Variants in CAMTA1 observed in about 807,000 individuals in gnomAD.
CAMTA1 encodes calmodulin-binding transcription activator 1.
CAMTA1 carries 27 observed loss-of-function variants against 170.9 expected under a neutral mutation model. The observed-to-expected ratio is 0.16, with a 90% CI of 0.12 to 0.22. The LOEUF is 0.22. Among genes scored for constraint, CAMTA1 ranks in the 10% least tolerant of loss-of-function variants. The pLI is 1.00. For missense variants in CAMTA1, 1,619 were observed against 2,217.2 expected, an observed-to-expected ratio of 0.73 and a Z score of 5.42; for synonymous variants, 833 against 891.5, an observed-to-expected ratio of 0.93 and a Z score of 1.17.
intron 5 of CAMTA1, among the ~76,000 whole-genome samples, chr1:7,429,999 G>A (rs1185797156): frequency 3.3e-5 from 5 of 152,082 alleles, no homozygotes; most frequent in Admixed American, 1.3e-4. Flanking sequence ...CCTATGATCC[G>A]ATCACCTCCC....
intron 11 of CAMTA1, among the ~76,000 whole-genome samples, chr1:7,704,989 C>T (rs2096494496): frequency 2.1e-4 from 2 of 9,682 alleles, no homozygotes; most frequent in African/African-American, 2.7e-4. Flanking sequence ...GGGGCCGGGG[C>T]GTGGGGACAC....
Position 7,067,838 on chromosome 1 carries a change from C to CA in CAMTA1, c.235-23465dup, listed in dbSNP as rs1709156944. 6.6e-6 allele frequency among the ~76,000 whole-genome samples: 1 copy of CA among 152,226 alleles called. No homozygotes were observed. The highest frequency in any genetic ancestry group is 2.1e-4 in the South Asian group (1 of 4,836). On this transcript the variant is annotated intron_variant, in intron 3 of 22. Coordinates refer to ENST00000303635, the MANE Select transcript of CAMTA1 (RefSeq NM_015215.4). This position sits in a 1 kb window ranked among gnomAD's most constrained non-coding sequence, Gnocchi z 4.3. ...TAGATCCGTCTAAGCCCATCATGGT[C>CA]AGTGATTGGTTTAGGGGCGGCCTGT...
intron 3 of CAMTA1, among the ~76,000 whole-genome samples, chr1:7,004,052 C>T (rs532646798): frequency 7.5e-4 from 114 of 152,248 alleles, no homozygotes; most frequent in Admixed American, 1.6e-3. Flanking sequence ...AACATGATTT[C>T]CCCAGCTTTC....
rs76353551 is a variant in CAMTA1 at position 7,487,193 on chromosome 1, G to T, written c.510+19292G>T. ...TCCCTCCTGTAGCAAGTGCATGAAGGCCCCTCCACGGTTATCGGCTACTCT... is the reference window on the plus strand; with the variant it reads ...TCCCTCCTGTAGCAAGTGCATGAAGTCCCCTCCACGGTTATCGGCTACTCT... On this transcript the variant is annotated intron_variant, in intron 6 of 22. Coordinates refer to ENST00000303635, the MANE Select transcript of CAMTA1 (RefSeq NM_015215.4). 2.8e-3 allele frequency among the ~76,000 whole-genome samples: 421 copies of T among 152,176 alleles called. 3 individuals are homozygous for T. The highest frequency in any genetic ancestry group is 9.1e-3 in the African/African-American group (379 of 41,526).
At position 7,685,823 on chromosome 1, in the gene CAMTA1, C is replaced by G. The variant is rs758291942; in HGVS notation, c.2914+8090C>G. On this transcript the variant is annotated intron_variant, in intron 11 of 22. Coordinates refer to ENST00000303635, the MANE Select transcript of CAMTA1 (RefSeq NM_015215.4). This position sits in a 1 kb window ranked among gnomAD's most constrained non-coding sequence, Gnocchi z 5.7. The stretch of plus-strand genomic sequence containing the variant: ...TTCTCTTGGGCAAGCCAGTAGGTCC[C>G]AGACAGGACAAATGGCCGTTCTTTC... Among the ~76,000 whole-genome samples the G allele has an allele frequency of 4.6e-5, 7 of 152,160 alleles. No homozygotes were observed. The highest frequency in any genetic ancestry group is 1.3e-4 in the Admixed American group (2 of 15,274).
intron 3 of CAMTA1, among the ~76,000 whole-genome samples, chr1:6,997,995 T>C (rs1697585579): frequency 6.6e-6 from 1 of 152,074 alleles, no homozygotes; most frequent in Non-Finnish European, 1.5e-5. Context: ...TCCATCTCTT[T>C]ATCTTTTTTT....
At chr1:7,366,338 G>A (rs1020087362) in intron 5 of CAMTA1, among the ~76,000 whole-genome samples, 1 of 152,198 alleles carries the variant, frequency 6.6e-6, no homozygotes, top group Non-Finnish European at 1.5e-5. Context: ...AGCTCCACAT[G>A]AGGTATATTC....
At chr1:7,347,846 T>C (rs1279326698) in intron 5 of CAMTA1, among the ~76,000 whole-genome samples, 1 of 152,170 alleles carries the variant, frequency 6.6e-6, no homozygotes, top group Non-Finnish European at 1.5e-5. Flanking sequence ...AAGCTGCCAT[T>C]GGAGTCAGGC....
At chr1:7,342,765 G>A (rs576112448) in intron 5 of CAMTA1, among the ~76,000 whole-genome samples, 2 of 152,306 alleles carry the variant, frequency 1.3e-5, no homozygotes, top group South Asian at 4.1e-4. Flanking sequence ...AGAAACTCAG[G>A]TAGCTGAAGA....
At chr1:7,624,493 G>T (rs1327627440) in intron 6 of CAMTA1, among the ~76,000 whole-genome samples, 1 of 152,230 alleles carries the variant, frequency 6.6e-6, no homozygotes, top group African/African-American at 2.4e-5. Context: ...GCATGCAGAA[G>T]TACCCAGAAA....
intron 3 of CAMTA1, among the ~76,000 whole-genome samples, chr1:7,006,721 G>A (rs777001941): frequency 3.9e-5 from 6 of 152,062 alleles, no homozygotes; most frequent in Non-Finnish European, 8.8e-5. Context: ...CCACCTGACC[G>A]GTCACAGCTC....
At chr1:7,503,184 G>A (rs1575675254) in intron 6 of CAMTA1, among the ~76,000 whole-genome samples, 1 of 152,212 alleles carries the variant, frequency 6.6e-6, no homozygotes, top group Admixed American at 6.5e-5. Flanking sequence ...TTTACCAACA[G>A]GGCCAGACGA....
intron 11 of CAMTA1, among the ~76,000 whole-genome samples, chr1:7,687,617 G>A (rs1349402356): frequency 6.6e-6 from 1 of 152,186 alleles, no homozygotes; most frequent in African/African-American, 2.4e-5. Context: ...TCAGCAGAAG[G>A]CAAGGCCCCG....
intron 6 of CAMTA1, among the ~76,000 whole-genome samples, chr1:7,546,323 G>A (rs544932622): frequency 5.9e-5 from 9 of 152,170 alleles, no homozygotes; most frequent in Admixed American, 1.3e-4. Context: ...TCCCTGCAAA[G>A]TACATGTTCT....
intron 5 of CAMTA1, among the ~76,000 whole-genome samples, chr1:7,403,660 T>G (rs1449037305): frequency 6.6e-6 from 1 of 152,142 alleles, no homozygotes; most frequent in Non-Finnish European, 1.5e-5. Flanking sequence ...TAGTCTGTGG[T>G]GTTCCCTCTG....
intron 6 of CAMTA1, among the ~76,000 whole-genome samples, chr1:7,496,824 C>G (rs1219022314): frequency 6.6e-6 from 1 of 151,882 alleles, no homozygotes; most frequent in Non-Finnish European, 1.5e-5. Context: ...GGGAAGGAGG[C>G]CTCCCAGGCC....
At chr1:7,496,823 G>A (rs1337262816) in intron 6 of CAMTA1, among the ~76,000 whole-genome samples, 3 of 151,740 alleles carry the variant, frequency 2.0e-5, no homozygotes, top group East Asian at 2.0e-4. Context: ...AGGGAAGGAG[G>A]CCTCCCAGGC....
At chr1:6,879,613 C>CTCT (rs1670887174) in intron 3 of CAMTA1, among the ~76,000 whole-genome samples, 1 of 132,866 alleles carries the variant, frequency 7.5e-6, no homozygotes, top group African/African-American at 2.8e-5. Flanking sequence ...TTCCTTTTTT[C>CTCT]TTTTTTTTTT....
intron 5 of CAMTA1, among the ~76,000 whole-genome samples, chr1:7,255,264 T>G (rs1360912283): frequency 2.0e-5 from 3 of 152,106 alleles, no homozygotes; most frequent in Non-Finnish European, 4.4e-5. Flanking sequence ...TCTGCACATG[T>G]ACGCCAGAGC....
Sources: allele counts gnomAD v4.1 joint callset (sites outside exome capture counted in the v4.1 genomes callset), GRCh38; gene constraint gnomAD v4.1.1; non-coding constraint Gnocchi (gnomAD v3.1); transcripts MANE v1.5; gene names NCBI Gene and HGNC (gene_info 2026-07-23, HGNC 2026-07-21).